Variants in RGS6 observed in about 807,000 individuals in gnomAD.
RGS6 encodes the protein regulator of G-protein signaling 6.
A neutral mutation model predicts 78.5 loss-of-function variants in RGS6; 30 were observed. That is an observed-to-expected ratio of 0.38 (90% CI 0.29 to 0.52). RGS6 has a LOEUF of 0.52. Ranked by LOEUF, RGS6 falls within the 20% of genes least tolerant of loss-of-function variation. RGS6 has a pLI of 0.85. For synonymous variants in RGS6, 206 were observed against 206.0 expected (o/e 1.00, Z 0.00); for missense variants, 495 against 609.7 (o/e 0.81, Z 1.98).
Position 72,238,357 on chromosome 14 carries a change from G to T in RGS6, c.85-113738G>T, listed in dbSNP as rs149625600. On this transcript the variant is annotated intron_variant, in intron 2 of 17. Transcript: ENST00000553525. ...TCTCATTTAGGGCTGTGGTTTCCAG[G>T]CTTGAGGGTGGGGCCTTTGCCAGGA... is the stretch of plus-strand genomic sequence containing the variant. Among the ~76,000 whole-genome samples the T allele has an allele frequency of 3.5e-4, 53 of 152,276 alleles. No individual in the cohort carries two copies. In the East Asian group the frequency reaches 9.8e-3, roughly 28 times the overall value.
At chr14:72,018,073 CTCCA>C (rs1258661727) in intron 2 of RGS6, among the ~76,000 whole-genome samples, 2 of 152,142 alleles carry the variant, frequency 1.3e-5, no homozygotes, top group Admixed American at 6.5e-5. Flanking sequence ...CGGCTTCCAG[CTCCA>C]TCCATGTCCC....
chr14:72,509,500 G>C (rs1202529482), intron 13 of RGS6, among the ~76,000 whole-genome samples: 1 of 152,144 alleles, frequency 6.6e-6, no homozygotes, highest in East Asian at 1.9e-4. Flanking sequence ...CTGGAAAATG[G>C]GAATCATACT....
In RGS6 at chr14:72,451,484, C is replaced by T. The variant is rs189975389; in HGVS notation, c.185-3044C>T. On this transcript the variant is annotated intron_variant, in intron 3 of 17. Coordinates refer to ENST00000553525, the MANE Select transcript of RGS6 (RefSeq NM_001204424.2). ...GGAAACCCAGACAACGGTGCTGAGC[C>T]GGGGGTTGGGGTGGTTGGGGGGAGC... 1.9e-4 allele frequency among the ~76,000 whole-genome samples: 29 copies of T among 151,530 alleles called. 2 individuals are homozygous for T. The highest frequency in any genetic ancestry group is 5.8e-4 in the East Asian group (3 of 5,130).
intron 3 of RGS6, among the ~76,000 whole-genome samples, chr14:72,359,221 T>A (rs2152777508): frequency 6.6e-6 from 1 of 152,264 alleles, no homozygotes; most frequent in Non-Finnish European, 1.5e-5. Flanking sequence ...GAGAACCGAC[T>A]AATAGAGTAG....
chr14:72,507,863 C>T (rs1381858943), intron 13 of RGS6, among the ~76,000 whole-genome samples: 1 of 152,236 alleles, frequency 6.6e-6, no homozygotes, highest in Non-Finnish European at 1.5e-5. Context: ...TTGGGTCCAT[C>T]CTTGGTCATA....
rs1362162523 is a variant in RGS6 at position 72,007,269 on chromosome 14, C to G, written c.84+42394C>G. Among the ~76,000 whole-genome samples, 8 of 152,126 alleles carry G rather than the reference C, an allele frequency of 5.3e-5. No individual in the cohort carries two copies. In the East Asian group the frequency reaches 1.5e-3, roughly 29 times the overall value. ...CTGGTTTTAAAGATTCCCAGCCTCC[C>G]CACATGGTACGTGATGCTAAAATTA... On this transcript the variant is annotated intron_variant, in intron 2 of 17. Coordinates refer to ENST00000553525, the MANE Select transcript of RGS6 (RefSeq NM_001204424.2).
At chr14:72,416,074 G>A (rs2093787993) in intron 3 of RGS6, among the ~76,000 whole-genome samples, 2 of 151,694 alleles carry the variant, frequency 1.3e-5, no homozygotes, top group African/African-American at 4.8e-5. Flanking sequence ...CTTGAACCCG[G>A]GAGGCGGAGG....
At chr14:72,097,603 GTTGCTGTAAAC>G (rs2095435660) in intron 2 of RGS6, among the ~76,000 whole-genome samples, 1 of 152,172 alleles carries the variant, frequency 6.6e-6, no homozygotes, top group Admixed American at 6.5e-5. Context: ...GGGTGTCTTT[GTTGCTGTAAAC>G]TACTAGTTTT....
At chr14:72,469,913 A>G in intron 7 of RGS6, 94 bp from the exon 8 acceptor site, 1 of 905,484 alleles carries the variant, frequency 1.1e-6, no homozygotes, top group Middle Eastern at 2.2e-4. Context: ...GTTGGAAGTA[A>G]CCAAAATTGA....
At chr14:72,124,168 T>A (rs1208109163) in intron 2 of RGS6, among the ~76,000 whole-genome samples, 1 of 152,194 alleles carries the variant, frequency 6.6e-6, no homozygotes, top group African/African-American at 2.4e-5. Context: ...TAACAGCCAT[T>A]TAATCTGTTT....
intron 2 of RGS6, among the ~76,000 whole-genome samples, chr14:72,217,037 T>C (rs1416587570): frequency 6.6e-6 from 1 of 152,108 alleles, no homozygotes; most frequent in African/African-American, 2.4e-5. Flanking sequence ...CTCCTCCTAA[T>C]AAAAACCTTT....
At chr14:72,249,395 G>A (rs2055051598) in intron 2 of RGS6, among the ~76,000 whole-genome samples, 1 of 152,168 alleles carries the variant, frequency 6.6e-6, no homozygotes, top group South Asian at 2.1e-4. Context: ...TACCAATAGG[G>A]ATGTCCTGTA....
chr14:72,411,107 A>T (rs1475794847), intron 3 of RGS6, among the ~76,000 whole-genome samples: 2 of 152,210 alleles, frequency 1.3e-5, no homozygotes, highest in Non-Finnish European at 2.9e-5. Context: ...TTCTGTGAAG[A>T]AAGTCATTGG....
At chr14:72,000,016 A>G (rs775653396) in intron 2 of RGS6, among the ~76,000 whole-genome samples, 3 of 152,182 alleles carry the variant, frequency 2.0e-5, no homozygotes, top group African/African-American at 4.8e-5. Flanking sequence ...GTGACCTTCT[A>G]TGGTGTTAGT....
chr14:72,629,513 G>A, the RGS6 span: 1 of 1,044,518 alleles, frequency 9.6e-7, no homozygotes, highest in Non-Finnish European at 1.4e-6. Flanking sequence ...CCAAGTGCCA[G>A]GGTAACAGGC....
chr14:72,506,678 A>C (rs941039963), intron 13 of RGS6, among the ~76,000 whole-genome samples: 1 of 152,226 alleles, frequency 6.6e-6, no homozygotes. Context: ...AATAATGGAT[A>C]GTTGAGGGAA....
chr14:72,408,151 C>T (rs1215204170), intron 3 of RGS6, among the ~76,000 whole-genome samples: 2 of 152,166 alleles, frequency 1.3e-5, no homozygotes, highest in Non-Finnish European at 2.9e-5. Context: ...GAGTCCTTTT[C>T]TGTTGTTACA....
intron 2 of RGS6, among the ~76,000 whole-genome samples, chr14:72,118,253 A>G (rs1015858865): frequency 1.3e-5 from 2 of 152,052 alleles, no homozygotes; most frequent in Admixed American, 1.3e-4. Flanking sequence ...ATAGATTTTG[A>G]GTTCGGCTAA....
At chr14:71,941,421 A>G (rs979500077) in intron 1 of RGS6, among the ~76,000 whole-genome samples, 1 of 152,240 alleles carries the variant, frequency 6.6e-6, no homozygotes, top group Non-Finnish European at 1.5e-5. Flanking sequence ...CTGTTCATCT[A>G]GAACCACTCC....
Sources: gnomAD v4.1 joint callset for allele counts (sites outside exome capture counted in the v4.1 genomes callset) on GRCh38, gnomAD v4.1.1 for gene constraint, MANE v1.5 for transcripts, NCBI Gene and HGNC (gene_info 2026-07-23, HGNC 2026-07-21) for gene names.